Variants in METAP1 observed in about 807,000 individuals in gnomAD.
The protein encoded by METAP1 is methionine aminopeptidase 1.
Under a neutral mutation model 53.8 loss-of-function variants are expected in METAP1, and 28 were observed. The observed-to-expected ratio is 0.52, with a 90% CI of 0.39 to 0.71. The LOEUF is 0.71. Among genes scored for constraint, METAP1 ranks in the 30% least tolerant of loss-of-function variants. The probability of loss-of-function intolerance (pLI) is 0.00; values close to 1 mark genes in which losing one functional copy is unlikely to be tolerated. For missense variants in METAP1, 389 were observed against 479.8 expected (o/e 0.81, Z 1.77); for synonymous variants, 181 against 165.7 (o/e 1.09, Z -0.71).
At chr4:99,044,823 A>C (rs1032618548) in intron 7 of METAP1, among the ~76,000 whole-genome samples, 4 of 152,224 alleles carry the variant, frequency 2.6e-5, no homozygotes, top group African/African-American at 7.2e-5. Context: ...TGAAAATGGT[A>C]TTTTGTAGCA....
chr4:99,030,013 T>G (rs554345994), intron 2 of METAP1, among the ~76,000 whole-genome samples: 1 of 152,304 alleles, frequency 6.6e-6, no homozygotes, highest in Admixed American at 6.5e-5. Flanking sequence ...TTGTTACCTC[T>G]GTCAAAATTT....
intron 8 of METAP1, among the ~76,000 whole-genome samples, chr4:99,048,085 A>G (rs1265112095): frequency 6.6e-6 from 1 of 152,158 alleles, no homozygotes; most frequent in Non-Finnish European, 1.5e-5. Flanking sequence ...GCTCATATTA[A>G]TAGAATGGAA....
chr4:99,057,518 C>CGGGG, intron 9 of METAP1, among the ~76,000 whole-genome samples: 1 of 148,620 alleles, frequency 6.7e-6, no homozygotes, highest in African/African-American at 2.6e-5. Flanking sequence ...CCTACAAATA[C>CGGGG]CTCTGTTTTC....
At chr4:99,027,530 A>AGG (rs1479212196) in intron 1 of METAP1, among the ~76,000 whole-genome samples, 2 of 139,076 alleles carry the variant, frequency 1.4e-5, no homozygotes, top group African/African-American at 5.9e-5. Flanking sequence ...AACTCAGGGA[A>AGG]GGGACAAGAG....
At chr4:99,035,557 C>T (rs1332600202) in intron 4 of METAP1, 97 bp downstream of exon 4, 4 of 854,762 alleles carry the variant, frequency 4.7e-6, no homozygotes, top group East Asian at 2.7e-5. Flanking sequence ...TTTTTCAGTG[C>T]TGGACTTCTA....
At chr4:99,050,748 G>A (rs768939242) in intron 9 of METAP1, among the ~76,000 whole-genome samples, 14 of 152,066 alleles carry the variant, frequency 9.2e-5, no homozygotes, top group Admixed American at 1.3e-4. Context: ...TGCGCACTCC[G>A]TATGAGAGAA....
At chr4:99,019,447 A>G (rs886543814) in intron 1 of METAP1, among the ~76,000 whole-genome samples, 5 of 152,106 alleles carry the variant, frequency 3.3e-5, no homozygotes, top group African/African-American at 1.2e-4. Flanking sequence ...TTCCACATTT[A>G]TAATACCTAT....
intron 2 of METAP1, chr4:99,031,590 C>T: frequency 7.8e-7 from 1 of 1,286,276 alleles, no homozygotes. Context: ...CTCCAAGATG[C>T]TGGAATCATA....
chr4:99,039,705 TGCC>T (rs1230396995), intron 5 of METAP1, among the ~76,000 whole-genome samples: 1 of 152,062 alleles, frequency 6.6e-6, no homozygotes, highest in Non-Finnish European at 1.5e-5. Context: ...GCGATTCTTC[TGCC>T]TCAGCCTCCT....
chr4:99,038,999 T>G (rs1354171395), intron 4 of METAP1, among the ~76,000 whole-genome samples: 5 of 152,200 alleles, frequency 3.3e-5, no homozygotes, highest in African/African-American at 1.2e-4. Flanking sequence ...TCATCAGTTG[T>G]TGATGTATAA....
intron 1 of METAP1, among the ~76,000 whole-genome samples, chr4:99,024,937 T>C (rs1416232245): frequency 6.6e-6 from 1 of 152,184 alleles, no homozygotes; most frequent in Non-Finnish European, 1.5e-5. Flanking sequence ...CTACCTCAGA[T>C]CTTCGAGAAT....
chr4:99,013,570 C>T (rs1208813916), intron 1 of METAP1, among the ~76,000 whole-genome samples: 1 of 152,220 alleles, frequency 6.6e-6, no homozygotes, highest in African/African-American at 2.4e-5. Flanking sequence ...GAGACGGGGA[C>T]ATTTATAACC....
intron 9 of METAP1, among the ~76,000 whole-genome samples, chr4:99,056,483 T>C (rs1167217600): frequency 6.6e-6 from 1 of 152,172 alleles, no homozygotes; most frequent in African/African-American, 2.4e-5. Flanking sequence ...GAGAGAGAAA[T>C]GGAGTTTGCT....
intron 1 of METAP1, among the ~76,000 whole-genome samples, chr4:99,019,783 A>T (rs1723977053): frequency 6.6e-6 from 1 of 152,194 alleles, no homozygotes; most frequent in Non-Finnish European, 1.5e-5. Context: ...CTTCCTCGCG[A>T]TACCTGGCCA....
intron 1 of METAP1, among the ~76,000 whole-genome samples, chr4:99,018,496 C>G (rs1293215287): frequency 6.6e-6 from 1 of 152,208 alleles, no homozygotes; most frequent in African/African-American, 2.4e-5. Flanking sequence ...TCCACCGGTA[C>G]TGCTGCTTCT....
intron 1 of METAP1, chr4:99,022,998 T>G: frequency 5.4e-6 from 8 of 1,468,046 alleles, no homozygotes; most frequent in Non-Finnish European, 7.3e-6. Flanking sequence ...ACACAATACC[T>G]GGCACTACCC....
At chr4:99,002,640 A>C (rs533434235) in intron 1 of METAP1, among the ~76,000 whole-genome samples, 8 of 152,332 alleles carry the variant, frequency 5.3e-5, no homozygotes, top group Admixed American at 2.6e-4. Flanking sequence ...TAGGGACCCC[A>C]TGGAACTTCT....
In METAP1 at chr4:99,062,290, C is replaced by G. The variant is rs571991069; in HGVS notation, c.*973C>G. The G allele has an allele frequency of 2.0e-5, 3 of 152,186 alleles. No individual in the cohort carries two copies. Among genetic ancestry groups the G allele is most frequent in the African/African-American group, 4.8e-5 (2 of 41,428 alleles). 9.4% of individuals were successfully genotyped at this position (152,186 alleles called of 1,614,324 possible). A position where few individuals can be genotyped will look rare whatever the true frequency, so the allele number is the denominator to read the frequency against. ...GGTCAAGTGGGCTATTAAAATCTAA[C>G]GTTGAGTAAATGTGATAGTGATGAG... On this transcript the variant is annotated 3_prime_UTR_variant, in exon 11 of 11. Coordinates refer to ENST00000296411, the MANE Select transcript of METAP1 (RefSeq NM_015143.3).
intron 1 of METAP1, among the ~76,000 whole-genome samples, chr4:99,020,046 T>TC (rs1285549087): frequency 6.6e-6 from 1 of 152,142 alleles, no homozygotes; most frequent in Non-Finnish European, 1.5e-5. Flanking sequence ...CCATTGTGGG[T>TC]CCCGAGCAGG....
Sources: allele counts gnomAD v4.1 joint callset (sites outside exome capture counted in the v4.1 genomes callset), GRCh38; gene constraint gnomAD v4.1.1; transcripts MANE v1.5; gene names NCBI Gene and HGNC (gene_info 2026-07-23, HGNC 2026-07-21).